DAB1: variants seen among roughly 807,000 people sequenced by gnomAD.
DAB1 encodes disabled homolog 1.
In DAB1, 15 loss-of-function variants were observed where a neutral mutation model predicts 64.6. That is an observed-to-expected ratio of 0.23 (90% CI 0.16 to 0.36). The LOEUF (loss-of-function observed/expected upper bound fraction) is 0.36, where lower values mean the gene tolerates loss of function less well. Ranked by LOEUF, DAB1 falls within the 10% of genes least tolerant of loss-of-function variation. The pLI is 1.00. For missense variants in DAB1, 596 were observed against 706.7 expected (o/e 0.84, Z 1.78); for synonymous variants, 235 against 251.9 (o/e 0.93, Z 0.64).
intron 2 of DAB1, among the ~76,000 whole-genome samples, chr1:58,511,997 T>C (rs890402849): frequency 6.6e-6 from 1 of 152,168 alleles, no homozygotes; most frequent in South Asian, 2.1e-4. Flanking sequence ...ACCATTTGTA[T>C]ACCAAATAAC....
chr1:58,296,189 A>AAG (rs1484436662), intron 4 of DAB1, among the ~76,000 whole-genome samples: 2 of 131,768 alleles, frequency 1.5e-5, no homozygotes, highest in Non-Finnish European at 3.2e-5. Context: ...AAGAAAGAGA[A>AAG]AGAAAGAGAA....
chr1:57,761,714 G>C (rs917768314), intron 6 of DAB1, among the ~76,000 whole-genome samples: 3 of 152,220 alleles, frequency 2.0e-5, no homozygotes, highest in East Asian at 1.9e-4. Flanking sequence ...CAACGGACCA[G>C]AGTCAAGTCA....
chr1:57,765,328 A>C (rs921442973), intron 6 of DAB1, among the ~76,000 whole-genome samples: 1 of 152,196 alleles, frequency 6.6e-6, no homozygotes, highest in African/African-American at 2.4e-5. Flanking sequence ...CAGCTGGTCT[A>C]TTTTATTTCC....
chr1:58,010,874 C>A (rs1229114091), intron 5 of DAB1, among the ~76,000 whole-genome samples: 1 of 152,232 alleles, frequency 6.6e-6, no homozygotes, highest in Non-Finnish European at 1.5e-5. Flanking sequence ...GCCTTCCAGG[C>A]AACCAGTACC....
At chr1:57,382,824 A>G (rs534126580) in intron 1 of DAB1, among the ~76,000 whole-genome samples, 2 of 152,224 alleles carry the variant, frequency 1.3e-5, no homozygotes, top group East Asian at 3.9e-4. Context: ...CTCTTTTTCC[A>G]TATAAGAATA....
chr1:58,351,760 C>T (rs974411371), intron 3 of DAB1, among the ~76,000 whole-genome samples: 6 of 150,436 alleles, frequency 4.0e-5, no homozygotes, highest in African/African-American at 1.2e-4. Context: ...TACCAGGATT[C>T]CTGTAAGGTT....
chr1:57,920,341 C>T (rs945646526), intron 5 of DAB1, among the ~76,000 whole-genome samples: 1 of 152,126 alleles, frequency 6.6e-6, no homozygotes, highest in Admixed American at 6.5e-5. Context: ...GAAACAGGGC[C>T]TCACTCTGTT....
intron 1 of DAB1, chr1:57,862,844 T>G (rs146702125): frequency 1.6e-4 from 25 of 152,304 alleles, no homozygotes; most frequent in Non-Finnish European, 3.1e-4. Context: ...TGTAAAATGC[T>G]AAAACTTCTT....
At chr1:57,812,531 G>C (rs1224157417) in intron 6 of DAB1, among the ~76,000 whole-genome samples, 2 of 152,060 alleles carry the variant, frequency 1.3e-5, no homozygotes, top group Admixed American at 1.3e-4. Flanking sequence ...GTTAGCAAGG[G>C]AACAGACCCC....
intron 4 of DAB1, among the ~76,000 whole-genome samples, chr1:58,192,558 T>C (rs7529686): frequency 0.46 from 70,342 of 152,120 alleles, 20,198 homozygotes; most frequent in Middle Eastern, 0.68. Flanking sequence ...AGGATAACGG[T>C]CTCCAGTTCC....
intron 2 of DAB1, among the ~76,000 whole-genome samples, chr1:57,181,909 G>A (rs1461020802): frequency 6.6e-6 from 1 of 152,050 alleles, no homozygotes; most frequent in Non-Finnish European, 1.5e-5. Flanking sequence ...GTTTTGAGAT[G>A]GAGTCTCGCT....
intron 7 of DAB1, among the ~76,000 whole-genome samples, chr1:57,451,784 G>T (rs1253830836): frequency 6.6e-6 from 1 of 152,124 alleles, no homozygotes; most frequent in East Asian, 1.9e-4. Flanking sequence ...TTTTTGCGGG[G>T]AGAGGGTGAA....
chr1:57,993,557 T>C (rs112353782), intron 5 of DAB1, among the ~76,000 whole-genome samples: 47 of 152,348 alleles, frequency 3.1e-4, no homozygotes, highest in African/African-American at 1.1e-3. Flanking sequence ...TGATAAGATA[T>C]ACAGTCAGTA....
intron 5 of DAB1, among the ~76,000 whole-genome samples, chr1:57,946,753 G>A (rs1645189952): frequency 6.6e-6 from 1 of 152,178 alleles, no homozygotes; most frequent in Non-Finnish European, 1.5e-5. Context: ...TAGCTCAGGA[G>A]TCCTGTATTA....
At chr1:58,379,068 C>T (rs1192607278) in intron 3 of DAB1, among the ~76,000 whole-genome samples, 4 of 151,660 alleles carry the variant, frequency 2.6e-5, no homozygotes, top group African/African-American at 7.3e-5. Flanking sequence ...CACTGGCCTG[C>T]GCCCACTGTC....
chr1:58,092,296 G>A (rs1650714901), intron 5 of DAB1, among the ~76,000 whole-genome samples: 1 of 149,600 alleles, frequency 6.7e-6, no homozygotes, highest in Non-Finnish European at 1.5e-5. Flanking sequence ...TCGCACCACT[G>A]TACTCCAGCC....
chr1:57,840,193 T>C (rs1196249818), intron 1 of DAB1, among the ~76,000 whole-genome samples: 1 of 152,152 alleles, frequency 6.6e-6, no homozygotes, highest in East Asian at 1.9e-4. Flanking sequence ...CATAGAAATG[T>C]TAGAAGGGAG....
chr1:57,291,424 A>G (rs1034180053), intron 1 of DAB1, among the ~76,000 whole-genome samples: 5 of 152,068 alleles, frequency 3.3e-5, no homozygotes, highest in Admixed American at 6.6e-5. Context: ...ACAAAACCCA[A>G]CTCTGTTTTC....
intron 4 of DAB1, among the ~76,000 whole-genome samples, chr1:57,101,094 C>T (rs1459623749): frequency 2.0e-5 from 3 of 152,088 alleles, no homozygotes; most frequent in African/African-American, 4.8e-5. Flanking sequence ...CACATCTGCT[C>T]ACCACAGGAG....
Sources: gnomAD v4.1 joint callset for allele counts (sites outside exome capture counted in the v4.1 genomes callset) on GRCh38, gnomAD v4.1.1 for gene constraint, MANE v1.5 for transcripts, NCBI Gene and HGNC (gene_info 2026-07-23, HGNC 2026-07-21) for gene names.